Variants in ADCY2 observed in about 807,000 individuals in gnomAD.
ADCY2 encodes adenylate cyclase 2.
A neutral mutation model predicts 125.2 loss-of-function variants in ADCY2; 31 were observed. That is an observed-to-expected ratio of 0.25 (90% CI 0.19 to 0.33). The LOEUF (loss-of-function observed/expected upper bound fraction) is 0.33, where lower values mean the gene tolerates loss of function less well. Ranked by LOEUF, ADCY2 falls within the 10% of genes least tolerant of loss-of-function variation. ADCY2 has a pLI of 1.00. For synonymous variants in ADCY2, 512 were observed against 548.4 expected (o/e 0.93, Z 0.93); for missense variants, 904 against 1,418.2 (o/e 0.64, Z 5.82).
chr5:7,480,668 G>C (rs1440383583), intron 2 of ADCY2, among the ~76,000 whole-genome samples: 1 of 152,048 alleles, frequency 6.6e-6, no homozygotes, highest in Non-Finnish European at 1.5e-5. Context: ...CTTAATACCT[G>C]GGTCATGAAA....
chr5:7,469,686 G>A (rs530949490), intron 2 of ADCY2, among the ~76,000 whole-genome samples: 6 of 151,028 alleles, frequency 4.0e-5, no homozygotes, highest in Non-Finnish European at 7.4e-5. Context: ...TGGTTTTTTT[G>A]CCTGTTCATT....
chr5:7,596,324 G>A (rs907745093), intron 3 of ADCY2, among the ~76,000 whole-genome samples: 1 of 151,638 alleles, frequency 6.6e-6, no homozygotes, highest in African/African-American at 2.4e-5. Context: ...AAGGCAATAC[G>A]AAACTCCAGG....
intron 3 of ADCY2, among the ~76,000 whole-genome samples, chr5:7,547,845 C>A (rs977271218): frequency 2.0e-5 from 3 of 152,212 alleles, no homozygotes; most frequent in Admixed American, 2.0e-4. Flanking sequence ...CTATGCAAGT[C>A]GTCCGTCCTG....
chr5:7,432,617 C>G (rs558961078), intron 2 of ADCY2, among the ~76,000 whole-genome samples: 31 of 152,232 alleles, frequency 2.0e-4, no homozygotes, highest in Non-Finnish European at 4.0e-4. Context: ...CCAACGCCCA[C>G]ACTTCAGTTC....
At chr5:7,553,575 A>G (rs1735407591) in intron 3 of ADCY2, among the ~76,000 whole-genome samples, 1 of 152,222 alleles carries the variant, frequency 6.6e-6, no homozygotes, top group African/African-American at 2.4e-5. Flanking sequence ...CTTAAATTAA[A>G]CTAAAGTCAG....
At chr5:7,814,898 C>T in intron 22 of ADCY2, among the ~76,000 whole-genome samples, 1 of 152,140 alleles carries the variant, frequency 6.6e-6, no homozygotes, top group East Asian at 1.9e-4. Flanking sequence ...CCCCAGGTTC[C>T]ATTTCTCCTG....
At chr5:7,555,039 G>A (rs905581858) in intron 3 of ADCY2, among the ~76,000 whole-genome samples, 1 of 152,150 alleles carries the variant, frequency 6.6e-6, no homozygotes, top group Non-Finnish European at 1.5e-5. Context: ...CAAAAGTCAT[G>A]CCTTCTTTAT....
At chr5:7,418,569 C>T (rs78765360) in intron 2 of ADCY2, among the ~76,000 whole-genome samples, 23,736 of 151,602 alleles carry the variant, frequency 0.16, 2,173 homozygotes, top group Non-Finnish European at 0.21. Context: ...GAAGTCCTGC[C>T]CAACACTTCT....
chr5:7,401,155 G>T (rs1460455115), intron 1 of ADCY2, among the ~76,000 whole-genome samples: 1 of 152,192 alleles, frequency 6.6e-6, no homozygotes, highest in African/African-American at 2.4e-5. Flanking sequence ...ATTAGTACAT[G>T]CAAAGCCCTT....
intron 3 of ADCY2, among the ~76,000 whole-genome samples, chr5:7,582,105 G>C (rs966347999): frequency 1.3e-5 from 2 of 152,170 alleles, no homozygotes; most frequent in Admixed American, 1.3e-4. Context: ...AACAGGCACT[G>C]TAAGGTTGGA....
At chr5:7,751,713 C>G (rs2126447966) in intron 15 of ADCY2, among the ~76,000 whole-genome samples, 1 of 152,048 alleles carries the variant, frequency 6.6e-6, no homozygotes, top group East Asian at 1.9e-4. Flanking sequence ...GGATTTTATT[C>G]AAGAGTCTTA....
At chr5:7,464,655 G>A (rs1459879735) in intron 2 of ADCY2, among the ~76,000 whole-genome samples, 6 of 152,208 alleles carry the variant, frequency 3.9e-5, no homozygotes, top group Middle Eastern at 3.4e-3. Context: ...TGTTATACTC[G>A]ATATGCAGTC....
chr5:7,786,314 C>T (rs1376891637), intron 19 of ADCY2, among the ~76,000 whole-genome samples: 1 of 152,054 alleles, frequency 6.6e-6, no homozygotes, highest in Non-Finnish European at 1.5e-5. Context: ...CTCCCTTCCC[C>T]GAAAGGAGGG....
At chr5:7,775,471 A>G (rs1743690629) in intron 18 of ADCY2, among the ~76,000 whole-genome samples, 1 of 150,870 alleles carries the variant, frequency 6.6e-6, no homozygotes, top group Admixed American at 6.6e-5. Context: ...GCTCAGTGCA[A>G]CCCCCACCTC....
chr5:7,663,253 C>A (rs2126695313), intron 4 of ADCY2, among the ~76,000 whole-genome samples: 1 of 152,330 alleles, frequency 6.6e-6, no homozygotes, highest in Non-Finnish European at 1.5e-5. Context: ...AGAAAGAAAC[C>A]TATAGCAGCA....
intron 20 of ADCY2, among the ~76,000 whole-genome samples, chr5:7,792,485 C>T (rs530453927): frequency 2.0e-5 from 3 of 152,168 alleles, no homozygotes; most frequent in East Asian, 1.9e-4. Context: ...CTCTGGAGCT[C>T]GAGAAGCTCT....
At chr5:7,505,510 C>A (rs1315370038) in intron 2 of ADCY2, among the ~76,000 whole-genome samples, 6 of 152,156 alleles carry the variant, frequency 3.9e-5, no homozygotes, top group African/African-American at 1.4e-4. Context: ...GGCGACCATC[C>A]CCCTGATGGG....
intron 2 of ADCY2, among the ~76,000 whole-genome samples, chr5:7,457,460 A>G (rs957682903): frequency 6.6e-5 from 10 of 152,188 alleles, no homozygotes; most frequent in Non-Finnish European, 1.3e-4. Context: ...CTCTTCCAGG[A>G]TTCCTAGAGA....
At chr5:7,739,377 A>C (rs1410656584) in intron 14 of ADCY2, among the ~76,000 whole-genome samples, 3 of 151,918 alleles carry the variant, frequency 2.0e-5, no homozygotes, top group African/African-American at 7.2e-5. Flanking sequence ...AAATATCAAA[A>C]CGTAATGTAT....
Sources: allele counts gnomAD v4.1 joint callset (sites outside exome capture counted in the v4.1 genomes callset), GRCh38; gene constraint gnomAD v4.1.1; transcripts MANE v1.5; gene names NCBI Gene and HGNC (gene_info 2026-07-23, HGNC 2026-07-21).